The following GNA14 variants were observed in gnomAD, a reference collection of about 807,000 sequenced individuals.
The protein encoded by GNA14 is guanine nucleotide-binding protein subunit alpha-14.
In GNA14, 50 loss-of-function variants were observed where a neutral mutation model predicts 42.0. That is an observed-to-expected ratio of 1.19 (90% CI 0.95 to 1.51). The LOEUF (loss-of-function observed/expected upper bound fraction) is 1.51. GNA14 is among the 40% of genes most tolerant of loss of function. The pLI is 0.00. For synonymous variants in GNA14, 173 were observed against 163.1 expected (o/e 1.06, Z -0.46); for missense variants, 473 against 446.2 (o/e 1.06, Z -0.54).
At chr9:77,482,909 G>A (rs1182230696) in intron 2 of GNA14, among the ~76,000 whole-genome samples, 1 of 152,110 alleles carries the variant, frequency 6.6e-6, no homozygotes, top group Non-Finnish European at 1.5e-5. Context: ...GCTCCATCAG[G>A]TCCTTTAAGG....
intron 2 of GNA14, among the ~76,000 whole-genome samples, chr9:77,470,626 T>G (rs1413837821): frequency 6.6e-6 from 1 of 152,246 alleles, no homozygotes; most frequent in East Asian, 1.9e-4. Context: ...AATACTATAA[T>G]TGGAGAGATC....
chr9:77,464,174 T>C (rs1836169695), intron 2 of GNA14, among the ~76,000 whole-genome samples: 1 of 152,084 alleles, frequency 6.6e-6, no homozygotes, highest in Non-Finnish European at 1.5e-5. Flanking sequence ...CTAATTTTTA[T>C]ATGTTTTGTA....
intron 2 of GNA14, among the ~76,000 whole-genome samples, chr9:77,462,176 G>T (rs1468602927): frequency 6.6e-6 from 1 of 152,104 alleles, no homozygotes; most frequent in Non-Finnish European, 1.5e-5. Context: ...ATTTTCATCA[G>T]ATGTTCACCA....
intron 2 of GNA14, among the ~76,000 whole-genome samples, chr9:77,477,253 G>A (rs998194555): frequency 2.0e-5 from 3 of 152,084 alleles, no homozygotes; most frequent in Non-Finnish European, 2.9e-5. Flanking sequence ...AGGCTGTGGT[G>A]GGAGGATTGC....
chr9:77,440,636 G>T (rs1454040397), intron 2 of GNA14, among the ~76,000 whole-genome samples: 1 of 152,166 alleles, frequency 6.6e-6, no homozygotes, highest in Non-Finnish European at 1.5e-5. Context: ...AAATCAAGCT[G>T]TTTAACATTT....
intron 1 of GNA14, among the ~76,000 whole-genome samples, chr9:77,613,569 A>G (rs946992304): frequency 1.3e-5 from 2 of 152,332 alleles, no homozygotes; most frequent in African/African-American, 4.8e-5. Flanking sequence ...AAGGGGCAGG[A>G]GGAAATTTGG....
At chr9:77,560,108 G>C (rs947883591) in intron 1 of GNA14, among the ~76,000 whole-genome samples, 2 of 152,070 alleles carry the variant, frequency 1.3e-5, no homozygotes, top group African/African-American at 4.8e-5. Flanking sequence ...GCGAATTACT[G>C]GGAAAGGGCT....
chr9:77,553,485 T>C (rs1475997594), intron 1 of GNA14, among the ~76,000 whole-genome samples: 5 of 149,018 alleles, frequency 3.4e-5, no homozygotes. Context: ...ACAGCACCAA[T>C]AGAAAAAAAA....
At chr9:77,440,626 A>G (rs563589180) in intron 2 of GNA14, among the ~76,000 whole-genome samples, 1 of 152,266 alleles carries the variant, frequency 6.6e-6, no homozygotes, top group African/African-American at 2.4e-5. Context: ...TAGAGTGGCT[A>G]AATCAAGCTG....
At chr9:77,489,454 A>T (rs953411079) in intron 2 of GNA14, among the ~76,000 whole-genome samples, 4 of 152,218 alleles carry the variant, frequency 2.6e-5, no homozygotes, top group African/African-American at 9.6e-5. Flanking sequence ...CCCAAGTAAG[A>T]CGACCCCAAG....
chr9:77,585,697 A>G (rs1823291339), intron 1 of GNA14, among the ~76,000 whole-genome samples: 1 of 152,208 alleles, frequency 6.6e-6, no homozygotes. Flanking sequence ...AGCACAGAGC[A>G]GCACAGGATT....
chr9:77,624,096 G>A (rs981850535), intron 1 of GNA14, among the ~76,000 whole-genome samples: 5 of 152,156 alleles, frequency 3.3e-5, no homozygotes, highest in African/African-American at 9.7e-5. Flanking sequence ...AGGGGCATCC[G>A]CCATTACTGA....
In GNA14 at chr9:77,581,689, G is replaced by T. The variant is rs141769165; in HGVS notation, c.125-52436C>A. On this transcript the variant is annotated intron_variant, in intron 1 of 6. Transcript: ENST00000341700. ...TGCTTGATAAACAAGGCAGGTCACTGAAGTTGTATCTCAAGTTTGGCCCAG... is the reference window on the plus strand; with the variant it reads ...TGCTTGATAAACAAGGCAGGTCACTTAAGTTGTATCTCAAGTTTGGCCCAG... 4.9e-4 allele frequency among the ~76,000 whole-genome samples: 75 copies of T among 152,338 alleles called. 1 individual carries two copies. In the East Asian group the frequency reaches 0.013, roughly 26 times the overall value.
At chr9:77,531,780 C>T (rs1367320692) in intron 1 of GNA14, among the ~76,000 whole-genome samples, 4 of 152,172 alleles carry the variant, frequency 2.6e-5, no homozygotes, top group Non-Finnish European at 5.9e-5. Context: ...AAGCTAACCC[C>T]ACCACCAGCC....
Position 77,425,728 on chromosome 9 carries a change from C to T in GNA14, c.724-13G>A. 1.3e-6 allele frequency: 2 copies of T among 1,580,184 alleles called. No individual in the cohort carries two copies. Among genetic ancestry groups the T allele is most frequent in the Non-Finnish European group, 1.7e-6 (2 of 1,163,690 alleles). ...CTTCCATGCGATTCTAAGTGAAAAA[C>T]AAGGGACTTGGGATGAAGTAGAAAG... On this transcript the variant is annotated splice_polypyrimidine_tract_variant and intron_variant, in intron 5 of 6. Transcript: ENST00000341700.
At chr9:77,579,466 T>C (rs1823181269) in intron 1 of GNA14, among the ~76,000 whole-genome samples, 1 of 152,176 alleles carries the variant, frequency 6.6e-6, no homozygotes, top group Non-Finnish European at 1.5e-5. Flanking sequence ...GTCAATGACC[T>C]TGAGGCACAT....
chr9:77,636,812 A>AT (rs1554705457), intron 1 of GNA14, among the ~76,000 whole-genome samples: 6 of 152,184 alleles, frequency 3.9e-5, no homozygotes, highest in Non-Finnish European at 8.8e-5. Flanking sequence ...TGGGGATCAA[A>AT]TTTTCAACAT....
intron 1 of GNA14, among the ~76,000 whole-genome samples, chr9:77,621,810 C>T (rs950192142): frequency 1.2e-4 from 18 of 152,104 alleles, no homozygotes; most frequent in Admixed American, 2.0e-4. Flanking sequence ...ACAAAGAAGC[C>T]GCATTTAAAC....
At chr9:77,536,197 C>G (rs1462132283) in intron 1 of GNA14, among the ~76,000 whole-genome samples, 1 of 152,084 alleles carries the variant, frequency 6.6e-6, no homozygotes, top group Non-Finnish European at 1.5e-5. Context: ...GCTGCTGTCT[C>G]AACAAAAGAG....
Sources: gnomAD v4.1 joint callset for allele counts (sites outside exome capture counted in the v4.1 genomes callset) on GRCh38, gnomAD v4.1.1 for gene constraint, MANE v1.5 for transcripts, NCBI Gene and HGNC (gene_info 2026-07-23, HGNC 2026-07-21) for gene names.